Variants in PPP2R2B observed in about 807,000 individuals in gnomAD.
PPP2R2B encodes protein phosphatase 2 regulatory subunit Bbeta.
PPP2R2B carries 5 observed loss-of-function variants against 46.0 expected under a neutral mutation model. That is an observed-to-expected ratio of 0.11 (90% confidence interval 0.06 to 0.23). The LOEUF (loss-of-function observed/expected upper bound fraction) is 0.23. Ranked by LOEUF, PPP2R2B falls within the 10% of genes least tolerant of loss-of-function variation. The probability of loss-of-function intolerance (pLI) is 1.00; values close to 1 mark genes in which losing one functional copy is unlikely to be tolerated. For missense variants in PPP2R2B, 367 were observed against 575.0 expected (o/e 0.64, Z 3.70); for synonymous variants, 215 against 206.7 (o/e 1.04, Z -0.34).
chr5:146,827,951 C>T (rs1758679158), intron 2 of PPP2R2B, among the ~76,000 whole-genome samples: 1 of 152,058 alleles, frequency 6.6e-6, no homozygotes, highest in Non-Finnish European at 1.5e-5. Flanking sequence ...AGAGCAATCT[C>T]TGCCTTGCTC....
intron 1 of PPP2R2B, among the ~76,000 whole-genome samples, chr5:147,016,359 T>C (rs1287626811): frequency 1.3e-5 from 2 of 151,384 alleles, no homozygotes; most frequent in East Asian, 4.2e-4. Flanking sequence ...GATAGCAGTT[T>C]TGGGGGGGAC....
rs572639270 is a variant in PPP2R2B at position 147,000,669 on chromosome 5, T to A, written c.79+54996A>T. Among the ~76,000 whole-genome samples, 162 of 84,452 alleles carry A rather than the reference T, an allele frequency of 1.9e-3. 3 individuals are homozygous for A. The East Asian group carries it at 0.05, about 26-fold the overall frequency. The allele number at this position is 84,452 out of a possible 152,430, so 55.4% of individuals were successfully genotyped here. On this transcript the variant is annotated intron_variant, in intron 1 of 8. Coordinates refer to the PPP2R2B transcript ENST00000336640. ...AAAAGTAATTGTGGATTTGCCATTT[T>A]TAATGGCAAAAACCACAATTACTTT...
At chr5:146,840,602 T>G (rs1201168556) in intron 2 of PPP2R2B, among the ~76,000 whole-genome samples, 1 of 152,108 alleles carries the variant, frequency 6.6e-6, no homozygotes, top group African/African-American at 2.4e-5. Context: ...GGTTTGGAGG[T>G]CCATCAGCTG....
At chr5:147,031,501 CTG>C (rs1236872366) in intron 1 of PPP2R2B, among the ~76,000 whole-genome samples, 1 of 150,108 alleles carries the variant, frequency 6.7e-6, no homozygotes, top group Admixed American at 6.6e-5. Context: ...TTTATCTTGA[CTG>C]GAGTTAATAA....
chr5:146,707,318 T>G, intron 2 of PPP2R2B: 1 of 1,115,780 alleles, frequency 9.0e-7, no homozygotes, highest in South Asian at 1.2e-5. Context: ...AACTTGTTGT[T>G]GAAGGTCTTG....
At chr5:146,641,621 G>T (rs1775226251) in intron 6 of PPP2R2B, among the ~76,000 whole-genome samples, 1 of 150,792 alleles carries the variant, frequency 6.6e-6, no homozygotes, top group South Asian at 2.1e-4. Flanking sequence ...TTTGAGAGAA[G>T]TCTAGTTGCT....
intron 2 of PPP2R2B, among the ~76,000 whole-genome samples, chr5:146,725,357 C>A (rs6893383): frequency 0.059 from 8,949 of 152,034 alleles, 885 homozygotes; most frequent in African/African-American, 0.2. Flanking sequence ...GCATGAAGAA[C>A]CTATGTATTT....
At chr5:146,650,874 A>C (rs1581793160) in intron 5 of PPP2R2B, 150 bp from the exon 6 acceptor site, 1 of 682,932 alleles carries the variant, frequency 1.5e-6, no homozygotes, top group Non-Finnish European at 2.4e-6. Context: ...ATAACGAATC[A>C]CACACTGTTC....
chr5:146,603,267 C>T (rs545726487), intron 7 of PPP2R2B, among the ~76,000 whole-genome samples: 91 of 152,294 alleles, frequency 6.0e-4, no homozygotes, highest in African/African-American at 2.2e-3. Flanking sequence ...GAGTACAGAA[C>T]CTGCGGACTA....
chr5:146,677,191 C>T (rs941267731), intron 5 of PPP2R2B, among the ~76,000 whole-genome samples: 1 of 152,122 alleles, frequency 6.6e-6, no homozygotes. Flanking sequence ...TGGTTTTGAA[C>T]TGGCAAGATA....
At chr5:146,657,175 T>A (rs1776386589) in intron 5 of PPP2R2B, among the ~76,000 whole-genome samples, 1 of 151,982 alleles carries the variant, frequency 6.6e-6, no homozygotes, top group African/African-American at 2.4e-5. Flanking sequence ...AAAACATATG[T>A]GAAAAGGCAC....
In PPP2R2B at chr5:146,607,607, C is replaced by T. The variant is rs1454411276; in HGVS notation, c.791-7147G>A. The T allele has an allele frequency of 2.6e-5, 4 of 152,192 alleles. No homozygotes were observed. The East Asian group carries it at 7.7e-4, about 29-fold the overall frequency. The allele number at this position is 152,192 out of a possible 1,614,324, so 9.4% of individuals were successfully genotyped here. ...ACTTTTCAAAATAATTCTGCATCTA[C>T]TATACTTCTTTTACAACATGTCTTT... On this transcript the variant is annotated intron_variant, in intron 7 of 9. Transcript: ENST00000394411.
At chr5:147,065,368 G>A (rs1034729595) in intron 2 of PPP2R2B, among the ~76,000 whole-genome samples, 1 of 152,112 alleles carries the variant, frequency 6.6e-6, no homozygotes, top group South Asian at 2.1e-4. Flanking sequence ...TGCTGGAGGT[G>A]AGGGGATATG....
intron 2 of PPP2R2B, among the ~76,000 whole-genome samples, chr5:146,775,729 GA>G (rs1489366305): frequency 6.6e-6 from 1 of 151,868 alleles, no homozygotes; most frequent in Non-Finnish European, 1.5e-5. Flanking sequence ...AAAACCTTAA[GA>G]ACACAAACAC....
chr5:146,634,798 G>C (rs1343940960), intron 7 of PPP2R2B, among the ~76,000 whole-genome samples: 2 of 151,974 alleles, frequency 1.3e-5, no homozygotes, highest in Non-Finnish European at 2.9e-5. Context: ...TACTGGTTCT[G>C]TTTGTCTGGA....
At chr5:147,039,428 G>A (rs1382118089) in intron 1 of PPP2R2B, among the ~76,000 whole-genome samples, 1 of 152,150 alleles carries the variant, frequency 6.6e-6, no homozygotes, top group Non-Finnish European at 1.5e-5. Context: ...GCTGTCCCTT[G>A]GGTCTGAAGA....
At chr5:146,808,345 C>A (rs567888249) in intron 2 of PPP2R2B, among the ~76,000 whole-genome samples, 2 of 152,168 alleles carry the variant, frequency 1.3e-5, no homozygotes, top group South Asian at 2.1e-4. Flanking sequence ...ATATTTCCAT[C>A]GTCAGAGCAA....
chr5:147,022,075 T>C (rs183936088), intron 1 of PPP2R2B, among the ~76,000 whole-genome samples: 6 of 151,818 alleles, frequency 4.0e-5, no homozygotes, highest in Non-Finnish European at 7.4e-5. Flanking sequence ...ACAAAATAAG[T>C]TAAAAAAACA....
intron 1 of PPP2R2B, among the ~76,000 whole-genome samples, chr5:146,999,845 G>C (rs1468171859): frequency 1.3e-5 from 2 of 152,172 alleles, no homozygotes; most frequent in African/African-American, 4.8e-5. Flanking sequence ...AAGGCATTGG[G>C]CCAGACCAAT....
Sources: gnomAD v4.1 joint callset for allele counts (sites outside exome capture counted in the v4.1 genomes callset) on GRCh38, gnomAD v4.1.1 for gene constraint, MANE v1.5 for transcripts, NCBI Gene and HGNC (gene_info 2026-07-23, HGNC 2026-07-21) for gene names.